ZFHX2: variants seen among roughly 807,000 people sequenced by gnomAD.
ZFHX2 encodes the protein zinc finger homeobox 2.
Under a neutral mutation model 164.8 loss-of-function variants are expected in ZFHX2, and 75 were observed. That is an observed-to-expected ratio of 0.46 (90% CI 0.38 to 0.55). The LOEUF (loss-of-function observed/expected upper bound fraction) is 0.55, where lower values mean the gene tolerates loss of function less well. Among genes scored for constraint, ZFHX2 ranks in the 20% least tolerant of loss-of-function variants. The pLI is 0.00. For synonymous variants in ZFHX2, 1,217 were observed against 1,351.4 expected (o/e 0.90, Z 2.18); for missense variants, 2,933 against 3,308.0 (o/e 0.89, Z 2.78).
At position 23,551,313 on chromosome 14, in the gene ZFHX2, C is replaced by G. The variant is rs565913896; in HGVS notation, c.-50+30G>C. ...GAGAGGGAGAGGAGAAAAAAACCAA[C>G]CCAGCAGCATCGGAAATCGATGCAC... is the stretch of plus-strand genomic sequence containing the variant. On this transcript the variant is annotated intron_variant, in intron 1 of 9. Transcript: ENST00000419474. This position sits in a 1 kb window ranked among gnomAD's most constrained non-coding sequence, Gnocchi z 5.3. The G allele has an allele frequency of 6.5e-6, 1 of 152,722 alleles. No individual in the cohort carries two copies. Among genetic ancestry groups the G allele is most frequent in the East Asian group, 1.9e-4 (1 of 5,140 alleles). 9.5% of individuals were successfully genotyped at this position (152,722 alleles called of 1,614,324 possible).
At position 23,527,612 on chromosome 14, in the gene ZFHX2, G is replaced by T. The variant is rs1347829982; in HGVS notation, c.3127C>A (p.Leu1043Met). The change falls in exon 7 of 10, where the codon CTG (leucine) becomes ATG (methionine). Residue 1043 changes from leucine to methionine, a missense_variant. By Grantham distance (15) the Leu-to-Met change is conservative. Coordinates refer to ENST00000419474, the MANE Select transcript of ZFHX2 (RefSeq NM_033400.3). ...NVVPECVEKLLLVATTVEMTF... is the reference protein window; with the variant it reads ...NVVPECVEKLMLVATTVEMTF... Reference sequence around the variant, plus strand: ...ACCCAGCCTGTACTCACTACAAGCAGCAGCTTCTCAACGCACTCGGGCACC... The same window carrying T: ...ACCCAGCCTGTACTCACTACAAGCATCAGCTTCTCAACGCACTCGGGCACC... 1.3e-6 allele frequency: 2 copies of T among 1,536,662 alleles called. No individual in the cohort carries two copies. Among genetic ancestry groups the T allele is most frequent in the Non-Finnish European group, 1.7e-6 (2 of 1,146,996 alleles).
At chr14:23,526,710 A>C (rs768884743) in intron 8 of ZFHX2, 31 bp from the exon 9 acceptor site, 18 of 1,535,702 alleles carry the variant, frequency 1.2e-5, no homozygotes, top group Non-Finnish European at 1.4e-5. Context: ...TACAATGAGG[A>C]GGGAACTTCG....
At chr14:23,532,027 C>T (rs530004754) in intron 3 of ZFHX2, 9 of 208,890 alleles carry the variant, frequency 4.3e-5, no homozygotes, top group South Asian at 1.9e-4. Context: ...CCTCCCGCCT[C>T]GGCCTCCCAA....
At chr14:23,527,058 C>G in intron 7 of ZFHX2, 85 bp from the exon 8 acceptor site, 2 of 1,406,690 alleles carry the variant, frequency 1.4e-6, no homozygotes, top group South Asian at 3.3e-5. Flanking sequence ...TACACCTGTA[C>G]TTGTGCCGAG....
rs769496736 is a variant in ZFHX2, at chr14:23,532,899, G to A, written c.2227C>T (p.Arg743Trp). 18 of 1,536,098 alleles carry A rather than the reference G, an allele frequency of 1.2e-5. No homozygotes were observed. The highest frequency in any genetic ancestry group is 3.6e-5 in the South Asian group (3 of 84,068). ...ELLLYHCSIG[R>W]SLPEAEWKEV... is the part of the protein sequence containing the mutation. Reference sequence around the variant, plus strand: ...TTCCATTCAGCTTCCGGGAGGCTCCGGCCTATGCTGCAGTGGTAGAGCAGC... The same window carrying A: ...TTCCATTCAGCTTCCGGGAGGCTCCAGCCTATGCTGCAGTGGTAGAGCAGC... The change falls in exon 3 of 10, where the codon CGG becomes TGG. Residue 743 changes from arginine to tryptophan, a missense_variant. By Grantham distance (101) the Arg-to-Trp change is moderately radical (BLOSUM62 -3). Transcript: ENST00000419474.
intron 6 of ZFHX2, among the ~76,000 whole-genome samples, 180 bp from the exon 7 acceptor site, chr14:23,527,984 G>T (rs1026827828): frequency 6.9e-6 from 1 of 145,670 alleles, no homozygotes. Context: ...TCGGCTCACT[G>T]CAACCTCCGC....
rs1319665007 is a variant in ZFHX2 at position 23,524,778 on chromosome 14, C to T, written c.5164G>A (p.Glu1722Lys). The change falls in exon 9 of 10, where the codon GAA becomes AAA. Residue 1722 changes from glutamate (E) to lysine (K), a missense_variant. Physicochemically the swap from Glu to Lys is moderately conservative, Grantham distance 56. Transcript: ENST00000419474. The surrounding 1 kb of genome is among the most constrained non-coding windows in gnomAD (Gnocchi z 5.6). ...EEVEEEEVEEEQGLEPPAGPE... is the reference protein window; with the variant it reads ...EEVEEEEVEEKQGLEPPAGPE... ...CCTGCTGGAGGTTCAAGGCCCTGTT[C>T]CTCCTCTACTTCTTCTTCTTCCACC... The T allele has an allele frequency of 1.3e-6, 2 of 1,536,610 alleles. No homozygotes were observed. The highest frequency in any genetic ancestry group is 1.7e-6 in the Non-Finnish European group (2 of 1,147,010).
rs1379824931 is a variant in ZFHX2, at chr14:23,534,130, C to T, written c.1196G>A (p.Gly399Glu). ...GCCCACTGGGGCAGGGAGAGTGCCC[C>T]CCTCCTTGGAGGTGGGTGAGCTTTG... ...LNQSSPTSKEGGTLPAPVGSP... is the reference protein window; with the variant it reads ...LNQSSPTSKEEGTLPAPVGSP... Residue 399 changes from glycine to glutamate, a missense_variant, in exon 2 of 10, where the codon GGG (glycine) becomes GAG (glutamate). Coordinates refer to ENST00000419474, the MANE Select transcript of ZFHX2 (RefSeq NM_033400.3). This position sits in a 1 kb window ranked among gnomAD's most constrained non-coding sequence, Gnocchi z 4.5. The T allele has an allele frequency of 1.4e-6, 2 of 1,479,268 alleles. No homozygotes were observed. Among genetic ancestry groups the T allele is most frequent in the African/African-American group, 1.4e-5 (1 of 71,408 alleles). 91.6% of individuals were successfully genotyped at this position (1,479,268 alleles called of 1,614,324 possible). A position where few individuals can be genotyped will look rare whatever the true frequency, so the allele number is the denominator to read the frequency against.
In ZFHX2 at chr14:23,535,360, G is replaced by A. The variant is rs929347700; in HGVS notation, c.-35C>T. Reference sequence around the variant, plus strand: ...AGGAGTGCTGGGGGCTCATGTCAGCGTGACAGCCAGTACCCTGTAGGGAGA... The same window carrying A: ...AGGAGTGCTGGGGGCTCATGTCAGCATGACAGCCAGTACCCTGTAGGGAGA... On this transcript the variant is annotated 5_prime_UTR_variant, in exon 2 of 10. In the 5' UTR this introduces an upstream ATG that the reference lacks. Transcript: ENST00000419474. The surrounding 1 kb of genome is among the most constrained non-coding windows in gnomAD (Gnocchi z 4.5). 1.2e-5 allele frequency: 18 copies of A among 1,440,360 alleles called. No homozygotes were observed. Among genetic ancestry groups the A allele is most frequent in the African/African-American group, 8.6e-5 (6 of 69,914 alleles). The allele number at this position is 1,440,360 out of a possible 1,614,324, so 89.2% of individuals were successfully genotyped here.
chr14:23,536,812 T>C (rs1880197667), intron 1 of ZFHX2, among the ~76,000 whole-genome samples: 1 of 152,074 alleles, frequency 6.6e-6, no homozygotes, highest in South Asian at 2.1e-4. Context: ...TTGGACACAA[T>C]ACAGGTAAAA....
chr14:23,528,110 C>G (rs575304739), intron 6 of ZFHX2, among the ~76,000 whole-genome samples: 5 of 152,046 alleles, frequency 3.3e-5, no homozygotes, highest in Admixed American at 6.6e-5. Context: ...GGTTTTGCCA[C>G]ATTGGCCAGG....
At chr14:23,552,877 T>C (rs1882080867), upstream of ZFHX2, among the ~76,000 whole-genome samples, 1 of 152,160 alleles carries the variant, frequency 6.6e-6, no homozygotes, top group East Asian at 1.9e-4. Flanking sequence ...CCTGGGATTA[T>C]AGGGGTGATC....
Position 23,525,230 on chromosome 14 carries a change from G to A in ZFHX2, c.4712C>T (p.Ala1571Val). The change falls in exon 9 of 10, where the codon GCA becomes GTA. Residue 1571 changes from alanine to valine, a missense_variant. Ala to Val is a moderately conservative substitution (Grantham distance 64, BLOSUM62 0). Coordinates refer to ENST00000419474, the MANE Select transcript of ZFHX2 (RefSeq NM_033400.3). The surrounding 1 kb of genome is among the most constrained non-coding windows in gnomAD (Gnocchi z 5.9). Reference protein sequence around the residue: ...GTRAPEERSRAGGHWPIEEEE... With the variant: ...GTRAPEERSRVGGHWPIEEEE... ...CTCTTCTATGGGCCAGTGTCCCCCTGCTCGACTTCGCTCTTCAGGGGCACG... is the reference window on the plus strand; with the variant it reads ...CTCTTCTATGGGCCAGTGTCCCCCTACTCGACTTCGCTCTTCAGGGGCACG... 1 of 1,536,098 alleles carries A rather than the reference G, an allele frequency of 6.5e-7. No individual in the cohort carries two copies. Among genetic ancestry groups the A allele is most frequent in the Non-Finnish European group, 8.7e-7 (1 of 1,146,910 alleles).
intron 6 of ZFHX2, among the ~76,000 whole-genome samples, chr14:23,528,337 C>T (rs1879051401): frequency 6.6e-6 from 1 of 152,192 alleles, no homozygotes; most frequent in Non-Finnish European, 1.5e-5. Flanking sequence ...CTAGCTTAGG[C>T]CGCTACCTTG....
rs222680 is a variant in ZFHX2, at chr14:23,521,237, T to G, written c.*725A>C. The G allele has an allele frequency of 6.6e-6, 1 of 152,298 alleles. No individual in the cohort carries two copies. The highest frequency in any genetic ancestry group is 2.4e-5 in the African/African-American group (1 of 41,442). 9.4% of individuals were successfully genotyped at this position (152,298 alleles called of 1,614,324 possible). ...AGAGTCCAGGCCACAGGGGCTCCCC[T>G]GTCAGGCAAGGAGAGGGTTAGGAGG... On this transcript the variant is annotated 3_prime_UTR_variant, in exon 10 of 10. Coordinates refer to ENST00000419474, the MANE Select transcript of ZFHX2 (RefSeq NM_033400.3).
chr14:23,525,227 C>T lies in ZFHX2; in HGVS notation c.4715G>A (p.Gly1572Glu). 6.5e-7 allele frequency: 1 copy of T among 1,536,096 alleles called. No homozygotes were observed. Among genetic ancestry groups the T allele is most frequent in the Non-Finnish European group, 8.7e-7 (1 of 1,146,902 alleles). Residue 1572 changes from glycine to glutamate, a missense_variant, in exon 9 of 10, where the codon GGG becomes GAG. Coordinates refer to ENST00000419474, the MANE Select transcript of ZFHX2 (RefSeq NM_033400.3). The surrounding 1 kb of genome is among the most constrained non-coding windows in gnomAD (Gnocchi z 5.9). ...TRAPEERSRA[G>E]GHWPIEEEES... is the part of the protein sequence containing the mutation. ...TTCCTCTTCTATGGGCCAGTGTCCC[C>T]CTGCTCGACTTCGCTCTTCAGGGGC...
rs1338246371 is a variant in ZFHX2 at position 23,526,931 on chromosome 14, C to A, written c.3178G>T (p.Ala1060Ser). 1 of 1,532,944 alleles carries A rather than the reference C, an allele frequency of 6.5e-7. No homozygotes were observed. The highest frequency in any genetic ancestry group is 2.0e-5 in the Admixed American group (1 of 50,248). 95.0% of individuals were successfully genotyped at this position (1,532,944 alleles called of 1,614,324 possible). Residue 1060 changes from alanine (A) to serine (S), a missense_variant, in exon 8 of 10, where the codon GCA becomes TCA. Coordinates refer to ENST00000419474, the MANE Select transcript of ZFHX2 (RefSeq NM_033400.3). ...EMTFTTKVLSAPTLSPLDNGQ... is the reference protein window; with the variant it reads ...EMTFTTKVLSSPTLSPLDNGQ... ...TTGTCCAGAGGGCTTAATGTGGGTG[C>A]AGACAGCACTTTGGTTGTAAATGTC... is the stretch of plus-strand genomic sequence containing the variant.
rs938478788 is a variant in ZFHX2, at chr14:23,535,232, T to C, written c.94A>G (p.Thr32Ala). Reference protein sequence around the residue: ...SLPSDTFSSSTPSDPVTKDPP... With the variant: ...SLPSDTFSSSAPSDPVTKDPP... ...TCTTTGGTGACAGGATCAGAGGGGGTGCTGGAGGAGAAGGTGTCCGAAGGC... is the reference window on the plus strand; with the variant it reads ...TCTTTGGTGACAGGATCAGAGGGGGCGCTGGAGGAGAAGGTGTCCGAAGGC... The change falls in exon 2 of 10, where the codon ACC becomes GCC. Residue 32 changes from threonine (T) to alanine (A), a missense_variant. Transcript: ENST00000419474. The surrounding 1 kb of genome is among the most constrained non-coding windows in gnomAD (Gnocchi z 4.5). 6.6e-7 allele frequency: 1 copy of C among 1,520,312 alleles called. No homozygotes were observed. Among genetic ancestry groups the C allele is most frequent in the South Asian group, 1.2e-5 (1 of 83,302 alleles). 94.2% of individuals were successfully genotyped at this position (1,520,312 alleles called of 1,614,324 possible).
Position 23,521,920 on chromosome 14 carries a change from G to C in ZFHX2, c.*42C>G. On this transcript the variant is annotated 3_prime_UTR_variant, in exon 10 of 10. Transcript: ENST00000419474. ...CGAACACCCCTTGGGGTAAAAGAGGGAGCCCTGAGGCCCTCCCCTCTCCCC... is the reference window on the plus strand; with the variant it reads ...CGAACACCCCTTGGGGTAAAAGAGGCAGCCCTGAGGCCCTCCCCTCTCCCC... 6.5e-7 allele frequency: 1 copy of C among 1,533,538 alleles called. No homozygotes were observed. The highest frequency in any genetic ancestry group is 8.7e-7 in the Non-Finnish European group (1 of 1,146,100). The allele number at this position is 1,533,538 out of a possible 1,614,324, so 95.0% of individuals were successfully genotyped here. A position where few individuals can be genotyped will look rare whatever the true frequency, so the allele number is the denominator to read the frequency against.
Sources: allele counts gnomAD v4.1 joint callset (sites outside exome capture counted in the v4.1 genomes callset), GRCh38; gene constraint gnomAD v4.1.1; non-coding constraint Gnocchi (gnomAD v3.1); transcripts MANE v1.5; gene names NCBI Gene and HGNC (gene_info 2026-07-23, HGNC 2026-07-21).